The following TTLL5 variants were observed in gnomAD, a reference collection of about 807,000 sequenced individuals.
TTLL5 encodes the protein tubulin polyglutamylase TTLL5.
TTLL5 carries 132 observed loss-of-function variants against 168.4 expected under a neutral mutation model. The ratio of observed to expected loss-of-function variants is 0.78; its 90% CI spans 0.68 to 0.91. TTLL5 has a LOEUF of 0.91. Among genes scored for constraint, TTLL5 ranks in the 40% least tolerant of loss-of-function variants. The pLI is 0.00. For missense variants in TTLL5, 1,545 were observed against 1,581.5 expected (o/e 0.98, Z 0.39); for synonymous variants, 546 against 558.6 (o/e 0.98, Z 0.32).
chr14:75,855,163 AAAAGAAAT>A (rs1209829568), intron 28 of TTLL5, among the ~76,000 whole-genome samples: 8 of 140,600 alleles, frequency 5.7e-5, no homozygotes, highest in Admixed American at 1.4e-4. Context: ...AAAAAAAAAA[AAAAGAAAT>A]AAGAAAAAAA....
rs749847150 is a variant in TTLL5, at chr14:75,792,934, A to G, written c.3005A>G (p.Lys1002Arg). 1.1e-5 allele frequency: 18 copies of G among 1,609,382 alleles called. No homozygotes were observed. The highest frequency in any genetic ancestry group is 2.7e-5 in the African/African-American group (2 of 74,866). ...SAKAGSCYLN[K>R]HHSGIAKTQK... Reference sequence around the variant, plus strand: ...TTAGCAGGATCGTGCTATCTAAACAAGCATCATTCAGGAATAGCCAAAACA... The same window carrying G: ...TTAGCAGGATCGTGCTATCTAAACAGGCATCATTCAGGAATAGCCAAAACA... The change falls in exon 27 of 32, where the codon AAG becomes AGG. Residue 1002 changes from lysine to arginine, a missense_variant. Coordinates refer to ENST00000298832, the MANE Select transcript of TTLL5 (RefSeq NM_015072.5).
chr14:75,733,920 C>T, intron 13 of TTLL5, 69 bp from the exon 14 acceptor site: 1 of 1,450,966 alleles, frequency 6.9e-7, no homozygotes, highest in Non-Finnish European at 9.7e-7. Flanking sequence ...TATTGGGACC[C>T]ATCAGAGGGC....
intron 31 of TTLL5, among the ~76,000 whole-genome samples, chr14:75,942,798 GT>G (rs1433540514): frequency 3.3e-5 from 5 of 152,346 alleles, no homozygotes; most frequent in African/African-American, 9.6e-5. Context: ...AAGTATAAGT[GT>G]GTTTGTTGGA....
chr14:75,709,191 G>A (rs750219496), intron 9 of TTLL5: 21 of 761,928 alleles, frequency 2.8e-5, no homozygotes, highest in Non-Finnish European at 3.6e-5. Flanking sequence ...AATGCAATTG[G>A]AAGATGGGAA....
At chr14:75,681,394 A>G (rs2140117417) in intron 3 of TTLL5, 151 bp from the exon 4 acceptor site, 1 of 609,142 alleles carries the variant, frequency 1.6e-6, no homozygotes, top group Non-Finnish European at 2.8e-6. Context: ...CATTTTAAGA[A>G]CTCATGGTCC....
intron 18 of TTLL5, chr14:75,757,680 A>T (rs532350995): frequency 1.9e-4 from 99 of 512,038 alleles, no homozygotes; most frequent in Non-Finnish European, 9.8e-6. Context: ...TTCTCAATTT[A>T]TCTGTCTGCT....
rs552655656 is a variant in TTLL5 at position 75,757,121 on chromosome 14, G to A, written c.1550+4166G>A. Among the ~76,000 whole-genome samples, 46 of 152,076 alleles carry A rather than the reference G, an allele frequency of 3.0e-4. 1 individual carries two copies. Among genetic ancestry groups the A allele is most frequent in the South Asian group, 1.2e-3 (6 of 4,802 alleles). The stretch of plus-strand genomic sequence containing the variant: ...GCCTCCCAAGTAGCTGGGATTACAG[G>A]TGCACGCCACCACGCCTGGCTGATT... On this transcript the variant is annotated intron_variant, in intron 18 of 31. Coordinates refer to ENST00000298832, the MANE Select transcript of TTLL5 (RefSeq NM_015072.5).
chr14:75,881,012 CAA>C (rs1461424870), intron 29 of TTLL5, among the ~76,000 whole-genome samples: 1 of 151,882 alleles, frequency 6.6e-6, no homozygotes, highest in African/African-American at 2.4e-5. Flanking sequence ...CTCCCTGGCT[CAA>C]AGGATTCTCC....
At chr14:75,678,457 C>A (rs1884355627) in intron 3 of TTLL5, among the ~76,000 whole-genome samples, 1 of 152,186 alleles carries the variant, frequency 6.6e-6, no homozygotes, top group African/African-American at 2.4e-5. Context: ...GCAGATTTCC[C>A]CATTGTTCCA....
chr14:75,742,562 A>G (rs1189372778), intron 15 of TTLL5, among the ~76,000 whole-genome samples: 2 of 152,112 alleles, frequency 1.3e-5, no homozygotes, highest in Non-Finnish European at 2.9e-5. Flanking sequence ...AGCCCAGCTA[A>G]TTTTGTATTT....
At chr14:75,910,839 T>C (rs2033348968) in intron 31 of TTLL5, among the ~76,000 whole-genome samples, 1 of 152,232 alleles carries the variant, frequency 6.6e-6, no homozygotes, top group Non-Finnish European at 1.5e-5. Flanking sequence ...TCAGATTCTC[T>C]TAAGTCCTCA....
chr14:75,828,522 T>C (rs934848218), intron 28 of TTLL5, among the ~76,000 whole-genome samples: 1 of 152,246 alleles, frequency 6.6e-6, no homozygotes, highest in Non-Finnish European at 1.5e-5. Context: ...TTACTGTTTA[T>C]CCGTAAGGCT....
chr14:75,948,838 G>A (rs1231937090), intron 31 of TTLL5, among the ~76,000 whole-genome samples: 2 of 152,242 alleles, frequency 1.3e-5, no homozygotes, highest in East Asian at 1.9e-4. Flanking sequence ...TAAAACTTTA[G>A]TGGGATGAGT....
chr14:75,866,377 T>TA (rs1174134402), intron 29 of TTLL5, among the ~76,000 whole-genome samples: 2 of 152,218 alleles, frequency 1.3e-5, no homozygotes, highest in Admixed American at 1.3e-4. Context: ...TTCATTTCTC[T>TA]AAAGTGTAGG....
intron 8 of TTLL5, 68 bp from the exon 9 acceptor site, chr14:75,707,552 CGTT>C: frequency 7.3e-7 from 1 of 1,363,092 alleles, no homozygotes; most frequent in Non-Finnish European, 1.0e-6. Context: ...TTCTTGGTTT[CGTT>C]GTTTATTCTG....
rs551497175 is a variant in TTLL5, at chr14:75,801,565, T to C, written c.3171+8465T>C. On this transcript the variant is annotated intron_variant, in intron 27 of 31. Transcript: ENST00000298832. ...GCTATCAAATACTAGATCTTATTCA[T>C]GCTAACTATATTTTTGTACCCATTA... Among the ~76,000 whole-genome samples, 3 of 152,340 alleles carry C rather than the reference T, an allele frequency of 2.0e-5. No homozygotes were observed. In the East Asian group the frequency reaches 5.8e-4, roughly 29 times the overall value.
chr14:75,694,393 A>G (rs529116989), intron 6 of TTLL5, among the ~76,000 whole-genome samples: 6 of 152,180 alleles, frequency 3.9e-5, no homozygotes, highest in African/African-American at 1.4e-4. Context: ...CTGGAGTGCA[A>G]TGGTGTGATC....
chr14:75,667,282 T>C (rs1328446692), intron 2 of TTLL5, among the ~76,000 whole-genome samples: 1 of 152,244 alleles, frequency 6.6e-6, no homozygotes, highest in Non-Finnish European at 1.5e-5. Context: ...TAAGGCATAG[T>C]GGTGCCAGCT....
intron 31 of TTLL5, among the ~76,000 whole-genome samples, chr14:75,937,742 A>C (rs943619464): frequency 6.6e-6 from 1 of 152,212 alleles, no homozygotes; most frequent in African/African-American, 2.4e-5. Flanking sequence ...TATACACCAC[A>C]TTATCCATTC....
Sources: gnomAD v4.1 joint callset for allele counts (sites outside exome capture counted in the v4.1 genomes callset) on GRCh38, gnomAD v4.1.1 for gene constraint, MANE v1.5 for transcripts, NCBI Gene and HGNC (gene_info 2026-07-23, HGNC 2026-07-21) for gene names.